Variants in CYP2C18 observed in about 807,000 individuals in gnomAD.
CYP2C18 encodes cytochrome P450 family 2 subfamily C member 18.
A neutral mutation model predicts 41.3 loss-of-function variants in CYP2C18; 38 were observed. That is an observed-to-expected ratio of 0.92 (90% CI 0.71 to 1.21). CYP2C18 has a LOEUF of 1.21. Among genes scored for constraint, CYP2C18 ranks in the 50% most tolerant of loss-of-function variants. The probability of loss-of-function intolerance (pLI) is 0.00; values close to 1 mark genes in which losing one functional copy is unlikely to be tolerated. For missense variants in CYP2C18, 635 were observed against 591.4 expected (o/e 1.07, Z -0.77); for synonymous variants, 236 against 210.0 (o/e 1.12, Z -1.07).
intron 4 of CYP2C18, among the ~76,000 whole-genome samples, chr10:94,695,534 G>T (rs1847100182): frequency 6.6e-6 from 1 of 152,102 alleles, no homozygotes; most frequent in Non-Finnish European, 1.5e-5. Context: ...AGCTTAGTTT[G>T]GCTGGATGTG....
intron 3 of CYP2C18, among the ~76,000 whole-genome samples, chr10:94,691,561 G>A (rs549957309): frequency 1.6e-4 from 24 of 152,244 alleles, no homozygotes; most frequent in Middle Eastern, 6.8e-3. Context: ...ATGCTCATGG[G>A]TAGGAAGAAT....
At chr10:94,705,340 AAC>A (rs1401432921) in intron 4 of CYP2C18, among the ~76,000 whole-genome samples, 1 of 152,188 alleles carries the variant, frequency 6.6e-6, no homozygotes, top group Non-Finnish European at 1.5e-5. Flanking sequence ...GGAGGGGAAC[AAC>A]ACACACTAGG....
At chr10:94,704,264 T>C (rs917337421) in intron 4 of CYP2C18, among the ~76,000 whole-genome samples, 8 of 152,010 alleles carry the variant, frequency 5.3e-5, no homozygotes, top group African/African-American at 1.9e-4. Context: ...GATACTCTTA[T>C]ATAGTAGCTC....
Position 94,687,931 on chromosome 10 carries a change from T to G in CYP2C18, c.330T>G (p.Leu110=). Residue 110 remains leucine, a splice_region_variant and synonymous_variant, in exon 2 of 9, where the codon CTT becomes CTG. Coordinates refer to ENST00000285979, the MANE Select transcript of CYP2C18 (RefSeq NM_000772.3). ...FPVAEKVNKG[L]GILFSNGKRW... ...TGGCTGAAAAAGTTAACAAAGGACTTGGTAAATGTGCATGTATCGTGTGTA... is the reference window on the plus strand; with the variant it reads ...TGGCTGAAAAAGTTAACAAAGGACTGGGTAAATGTGCATGTATCGTGTGTA... 5 of 1,613,350 alleles carry G rather than the reference T, an allele frequency of 3.1e-6. No individual in the cohort carries two copies. Among genetic ancestry groups the G allele is most frequent in the Non-Finnish European group, 4.2e-6 (5 of 1,179,552 alleles).
chr10:94,696,428 T>G lies in CYP2C18; in HGVS notation c.642+1351T>G, dbSNP rs891399185. Among the ~76,000 whole-genome samples, 8 of 152,266 alleles carry G rather than the reference T, an allele frequency of 5.3e-5. No individual in the cohort carries two copies. The South Asian group carries it at 8.3e-4, about 16-fold the overall frequency. On this transcript the variant is annotated intron_variant, in intron 4 of 8. Transcript: ENST00000285979. ...ACCTGCAGCTGAGGGTCTTGACTGT[T>G]AGAAGGAAAACTAACAAATAGAAAG... is the stretch of plus-strand genomic sequence containing the variant.
chr10:94,700,872 C>T (rs1319734975), intron 4 of CYP2C18, among the ~76,000 whole-genome samples: 1 of 152,188 alleles, frequency 6.6e-6, no homozygotes, highest in Non-Finnish European at 1.5e-5. Flanking sequence ...TGAAAAAATG[C>T]TCATCATCAC....
At chr10:94,697,755 A>C (rs1364845349) in intron 4 of CYP2C18, among the ~76,000 whole-genome samples, 3 of 152,216 alleles carry the variant, frequency 2.0e-5, no homozygotes, top group Admixed American at 6.5e-5. Context: ...ACAGAGACAT[A>C]CATAGGCTCA....
Position 94,735,486 on chromosome 10 carries a change from A to C in CYP2C18, c.*42A>C. ...TGGCTGCTCCTGTGCTGTCACCTGC[A>C]ATTCTCCCTTATCAGGGCCATTGGC... On this transcript the variant is annotated 3_prime_UTR_variant, in exon 9 of 9. Transcript: ENST00000285979. 1 of 1,599,384 alleles carries C rather than the reference A, an allele frequency of 6.3e-7. No homozygotes were observed. Among genetic ancestry groups the C allele is most frequent in the Non-Finnish European group, 8.6e-7 (1 of 1,167,388 alleles).
intron 7 of CYP2C18, among the ~76,000 whole-genome samples, chr10:94,730,586 G>A (rs1847814296): frequency 6.6e-6 from 1 of 152,108 alleles, no homozygotes; most frequent in South Asian, 2.1e-4. Flanking sequence ...TAGCCACAGG[G>A]ATCTCTTTCC....
At chr10:94,717,437 A>C (rs1359416805) in intron 5 of CYP2C18, among the ~76,000 whole-genome samples, 1 of 152,118 alleles carries the variant, frequency 6.6e-6, no homozygotes, top group Non-Finnish European at 1.5e-5. Flanking sequence ...TCCTTCACTT[A>C]TGAAGTTTAG....
chr10:94,714,422 T>C (rs1847502701), intron 5 of CYP2C18, among the ~76,000 whole-genome samples: 1 of 152,230 alleles, frequency 6.6e-6, no homozygotes, highest in African/African-American at 2.4e-5. Context: ...CAGTACCATT[T>C]ATTAAATAGG....
Position 94,688,159 on chromosome 10 carries a change from G to T in CYP2C18, c.366G>T (p.Glu122Asp), listed in dbSNP as rs190647817. Residue 122 changes from glutamate to aspartate, a missense_variant, in exon 3 of 9, where the codon GAG becomes GAT. Physicochemically the swap from Glu to Asp is conservative, Grantham distance 45. Coordinates refer to ENST00000285979, the MANE Select transcript of CYP2C18 (RefSeq NM_000772.3). ...TCAGCAATGGAAAGAGATGGAAGGAGATCCGGCGTTTCTGCCTCATGACTC... is the reference window on the plus strand; with the variant it reads ...TCAGCAATGGAAAGAGATGGAAGGATATCCGGCGTTTCTGCCTCATGACTC... ...ILFSNGKRWK[E>D]IRRFCLMTLR... 6 of 1,613,600 alleles carry T rather than the reference G, an allele frequency of 3.7e-6. No homozygotes were observed. In the African/African-American group the frequency reaches 4.0e-5, roughly 11 times the overall value.
chr10:94,720,302 C>A, intron 5 of CYP2C18, 94 bp from the exon 6 acceptor site: 3 of 1,151,884 alleles, frequency 2.6e-6, no homozygotes, highest in Non-Finnish European at 3.6e-6. Context: ...TCCAAACTTC[C>A]TTATCTTTAG....
intron 4 of CYP2C18, among the ~76,000 whole-genome samples, chr10:94,698,037 C>T (rs1225952902): frequency 3.3e-5 from 5 of 152,114 alleles, no homozygotes; most frequent in African/African-American, 7.2e-5. Context: ...TAATGGGAGA[C>T]TTTAACACCC....
chr10:94,718,149 G>T (rs910755604), intron 5 of CYP2C18, among the ~76,000 whole-genome samples: 2 of 150,788 alleles, frequency 1.3e-5, no homozygotes, highest in Admixed American at 6.6e-5. Flanking sequence ...TATATTTTTT[G>T]GTGACTTTCA....
intron 5 of CYP2C18, among the ~76,000 whole-genome samples, chr10:94,712,925 T>C (rs575163736): frequency 6.6e-6 from 1 of 152,166 alleles, no homozygotes; most frequent in Non-Finnish European, 1.5e-5. Context: ...ATTTGTAACT[T>C]TTTAATGATT....
chr10:94,725,158 A>G (rs1344760442), intron 7 of CYP2C18, among the ~76,000 whole-genome samples: 1 of 150,398 alleles, frequency 6.6e-6, no homozygotes, highest in Non-Finnish European at 1.5e-5. Context: ...TGTTGCACAG[A>G]TTGATCTTCT....
chr10:94,692,137 C>G (rs1294753682), intron 3 of CYP2C18, among the ~76,000 whole-genome samples: 1 of 152,046 alleles, frequency 6.6e-6, no homozygotes, highest in Non-Finnish European at 1.5e-5. Flanking sequence ...GTCTAAAACA[C>G]CAAAAACAAT....
intron 5 of CYP2C18, among the ~76,000 whole-genome samples, chr10:94,718,738 C>T (rs917401988): frequency 2.0e-5 from 3 of 152,088 alleles, no homozygotes; most frequent in African/African-American, 7.2e-5. Flanking sequence ...TCTGGAAGTG[C>T]TTGTGCACTA....
Sources: allele counts gnomAD v4.1 joint callset (sites outside exome capture counted in the v4.1 genomes callset), GRCh38; gene constraint gnomAD v4.1.1; transcripts MANE v1.5; gene names NCBI Gene and HGNC (gene_info 2026-07-23, HGNC 2026-07-21).